Variants in OR2T8 observed in about 807,000 individuals in gnomAD.
OR2T8 encodes olfactory receptor 2T8.
For synonymous variants in OR2T8, 56 were observed against 154.3 expected, an observed-to-expected ratio of 0.36 and a Z score of 4.72; for missense variants, 161 against 389.4, an observed-to-expected ratio of 0.41 and a Z score of 4.94.
rs905000714 is a variant in OR2T8, at chr1:247,922,056, C to CTG, written c.*114_*115dup. The stretch of plus-strand genomic sequence containing the variant: ...ACTTTTATTTCTACATCTGTTGTCT[C>CTG]TGTGTGTGTGTGTGTTTGTGTGTTG... On this transcript the variant is annotated 3_prime_UTR_variant, in exon 2 of 2. Coordinates refer to ENST00000641945, the MANE Select transcript of OR2T8 (RefSeq NM_001005522.2). 1.5e-4 allele frequency: 173 copies of CTG among 1,148,252 alleles called. No homozygotes were observed. Among genetic ancestry groups the CTG allele is most frequent in the Non-Finnish European group, 1.8e-4 (148 of 825,544 alleles). 71.1% of individuals were successfully genotyped at this position (1,148,252 alleles called of 1,614,324 possible). A position where few individuals can be genotyped will look rare whatever the true frequency, so the allele number is the denominator to read the frequency against.
chr1:247,921,933 T>C lies in OR2T8; in HGVS notation c.916T>C (p.Cys306Arg). The change falls in exon 2 of 2, where the codon TGT (cysteine) becomes CGT (arginine). Residue 306 changes from cysteine to arginine, a missense_variant. Cys to Arg is a radical substitution (Grantham distance 180). Coordinates refer to ENST00000641945, the MANE Select transcript of OR2T8 (RefSeq NM_001005522.2). ...KGALTRCMGR[C>R]VALSRE ...AGCCCTGACAAGGTGTATGGGTCGG[T>C]GTGTGGCCTTAAGTCGTGAATAAGA... The C allele has an allele frequency of 6.2e-7, 1 of 1,614,158 alleles. No individual in the cohort carries two copies. Among genetic ancestry groups the C allele is most frequent in the Non-Finnish European group, 8.5e-7 (1 of 1,180,024 alleles).
intron 1 of OR2T8, 47 bp from the exon 2 acceptor site, chr1:247,920,951 A>T: frequency 7.5e-7 from 1 of 1,327,032 alleles, no homozygotes; most frequent in Admixed American, 2.2e-5. Flanking sequence ...ACTCAAATGG[A>T]GTACCATAAA....
In OR2T8 at chr1:247,921,708, G is replaced by A. The variant is rs747032969; in HGVS notation, c.691G>A (p.Ala231Thr). The change falls in exon 2 of 2, where the codon GCC becomes ACC. Residue 231 changes from alanine to threonine, a missense_variant. Coordinates refer to ENST00000641945, the MANE Select transcript of OR2T8 (RefSeq NM_001005522.2). ...TGTTCTGCACATGCGCTCTACAGAA[G>A]CCCGCAAGAAGGCCTTTGCCACCTG... ...AAVLHMRSTE[A>T]RKKAFATCSS... 1 of 1,563,276 alleles carries A rather than the reference G, an allele frequency of 6.4e-7. No homozygotes were observed. The highest frequency in any genetic ancestry group is 1.4e-5 in the African/African-American group (1 of 71,568).
chr1:247,921,107 G>A lies in OR2T8; in HGVS notation c.90G>A (p.Leu30=), dbSNP rs376799188. The A allele has an allele frequency of 1.1e-5, 17 of 1,608,274 alleles. No individual in the cohort carries two copies. Among genetic ancestry groups the A allele is most frequent in the Non-Finnish European group, 1.4e-5 (16 of 1,178,076 alleles). The part of the protein sequence containing the change: ...RAHQVLFMMV[L]SIVLTSLFGN... The stretch of plus-strand genomic sequence containing the variant: ...ACCAAGTCCTCTTCATGATGGTTCT[G>A]AGTATCGTTTTGACCTCCCTGTTTG... Residue 30 remains leucine, a synonymous_variant, in exon 2 of 2, where the codon CTG becomes CTA. Coordinates refer to ENST00000641945, the MANE Select transcript of OR2T8 (RefSeq NM_001005522.2).
rs747341510 is a variant in OR2T8, at chr1:247,921,163, G to T, written c.146G>T (p.Trp49Leu). 1 of 1,569,302 alleles carries T rather than the reference G, an allele frequency of 6.4e-7. No homozygotes were observed. The highest frequency in any genetic ancestry group is 1.6e-5 in the African/African-American group (1 of 63,716). ...GNSLMILLIHWDHRLHTPMYF... is the reference protein window; with the variant it reads ...GNSLMILLIHLDHRLHTPMYF... ...TCCCTCATGATTCTCCTGATTCACT[G>T]GGACCACCGGCTCCACACGCCCATG... The change falls in exon 2 of 2, where the codon TGG becomes TTG. Residue 49 changes from tryptophan (W) to leucine (L), a missense_variant. Trp to Leu is a moderately conservative substitution (Grantham distance 61, BLOSUM62 -2). Coordinates refer to ENST00000641945, the MANE Select transcript of OR2T8 (RefSeq NM_001005522.2).
rs1163066085 is a variant in OR2T8, at chr1:247,921,795, C to A, written c.778C>A (p.Pro260Thr). The A allele has an allele frequency of 1.9e-6, 3 of 1,607,064 alleles. No homozygotes were observed. The South Asian group carries it at 3.3e-5, about 18-fold the overall frequency. ...YGAAIFTYMRPKSHRSTNHDK... is the reference protein window; with the variant it reads ...YGAAIFTYMRTKSHRSTNHDK... ...AGCTGCCATTTTTACCTATATGAGA[C>A]CCAAATCCCACAGGTCCACTAACCA... Residue 260 changes from proline (P) to threonine (T), a missense_variant, in exon 2 of 2, where the codon CCC (proline) becomes ACC (threonine). Pro to Thr is a conservative substitution (Grantham distance 38). Transcript: ENST00000641945.
In OR2T8 at chr1:247,922,109, C is replaced by T. The variant is rs1660032218; in HGVS notation, c.*153C>T. The T allele has an allele frequency of 5.7e-6, 2 of 353,030 alleles. No homozygotes were observed. Among genetic ancestry groups the T allele is most frequent in the Non-Finnish European group, 7.9e-6 (2 of 252,108 alleles). 21.9% of individuals were successfully genotyped at this position (353,030 alleles called of 1,614,324 possible). A position where few individuals can be genotyped will look rare whatever the true frequency, so the allele number is the denominator to read the frequency against. On this transcript the variant is annotated 3_prime_UTR_variant, in exon 2 of 2. Coordinates refer to ENST00000641945, the MANE Select transcript of OR2T8 (RefSeq NM_001005522.2). ...TTGAATTGCAGATGAATCTTCATTC[C>T]TCGGGTTCATTTACTCAGCTATCAT...
In OR2T8 at chr1:247,920,279, A is replaced by G. The variant is rs1373410005; in HGVS notation, c.-260A>G. The G allele has an allele frequency of 6.6e-6, 1 of 152,250 alleles. No individual in the cohort carries two copies. The highest frequency in any genetic ancestry group is 6.5e-5 in the Admixed American group (1 of 15,286). The allele number at this position is 152,250 out of a possible 1,614,324, so 9.4% of individuals were successfully genotyped here. On this transcript the variant is annotated 5_prime_UTR_variant, in exon 1 of 2. Coordinates refer to ENST00000641945, the MANE Select transcript of OR2T8 (RefSeq NM_001005522.2). ...TTGCAACAAAGTACCTTGTACAGTT[A>G]ATGAAAATGTGTGTTTACCATTATA...
Position 247,921,847 on chromosome 1 carries a change from C to G in OR2T8, c.830C>G (p.Thr277Ser), listed in dbSNP as rs112174271. Residue 277 changes from threonine to serine, a missense_variant, in exon 2 of 2, where the codon ACT (threonine) becomes AGT (serine). Thr to Ser is a moderately conservative substitution (Grantham distance 58). Transcript: ENST00000641945. ...GACAAGGTTGTGTCAGCCTTCTATA[C>G]TATGTTCACCCCTTTACTAAACCCC... ...NHDKVVSAFY[T>S]MFTPLLNPLI... The G allele has an allele frequency of 0.029, 46,174 of 1,610,586 alleles. 2,247 individuals carry two copies. Among genetic ancestry groups the G allele is most frequent in the East Asian group, 0.23 (10,331 of 44,758 alleles).
Position 247,921,844 on chromosome 1 carries a change from A to C in OR2T8, c.827A>C (p.Tyr276Ser). The change falls in exon 2 of 2, where the codon TAT becomes TCT. Residue 276 changes from tyrosine (Y) to serine (S), a missense_variant. By Grantham distance (144) the Tyr-to-Ser change is moderately radical (BLOSUM62 -2). Coordinates refer to ENST00000641945, the MANE Select transcript of OR2T8 (RefSeq NM_001005522.2). ...CACGACAAGGTTGTGTCAGCCTTCTATACTATGTTCACCCCTTTACTAAAC... is the reference window on the plus strand; with the variant it reads ...CACGACAAGGTTGTGTCAGCCTTCTCTACTATGTTCACCCCTTTACTAAAC... ...TNHDKVVSAF[Y>S]TMFTPLLNPL... The C allele has an allele frequency of 6.2e-7, 1 of 1,613,430 alleles. No homozygotes were observed. The highest frequency in any genetic ancestry group is 8.5e-7 in the Non-Finnish European group (1 of 1,179,884).
intron 1 of OR2T8, 95 bp from the exon 2 acceptor site, chr1:247,920,903 G>C: frequency 1.2e-6 from 1 of 869,050 alleles, no homozygotes; most frequent in Non-Finnish European, 1.8e-6. Flanking sequence ...AGGTTTCATC[G>C]CTTTCACACA....
rs757258964 is a variant in OR2T8 at position 247,921,291 on chromosome 1, C to G, written c.274C>G (p.Arg92Gly). 2.4e-6 allele frequency: 3 copies of G among 1,262,384 alleles called. No individual in the cohort carries two copies. Among genetic ancestry groups the G allele is most frequent in the Non-Finnish European group, 3.3e-6 (3 of 909,932 alleles). The allele number at this position is 1,262,384 out of a possible 1,614,324, so 78.2% of individuals were successfully genotyped here. ...CTTGACCGGAAGTAAGGCCATCTCC[C>G]GCGCTGGCTGTGGTGCGCAGATCTT... Reference protein sequence around the residue: ...DYLTGSKAISRAGCGAQIFFL... With the variant: ...DYLTGSKAISGAGCGAQIFFL... The change falls in exon 2 of 2, where the codon CGC (arginine) becomes GGC (glycine). Residue 92 changes from arginine (R) to glycine (G), a missense_variant. Coordinates refer to ENST00000641945, the MANE Select transcript of OR2T8 (RefSeq NM_001005522.2).
Position 247,922,593 on chromosome 1 carries a change from C to CTA in OR2T8, c.*637_*638insTA, listed in dbSNP as rs1660038373. Among the ~76,000 whole-genome samples the CTA allele has an allele frequency of 6.6e-6, 1 of 152,168 alleles. No individual in the cohort carries two copies. The highest frequency in any genetic ancestry group is 1.5e-5 in the Non-Finnish European group (1 of 68,022). On this transcript the variant is annotated 3_prime_UTR_variant, in exon 2 of 2. Transcript: ENST00000641945. ...TTTCTAAAATCCCTCCACATTTTTA[C>CTA]CTCATTGTTACATTGCTTTTTTTTA...
At chr1:247,920,938 G>C (rs1030759503) in intron 1 of OR2T8, 60 bp from the exon 2 acceptor site, 1 of 1,236,154 alleles carries the variant, frequency 8.1e-7, no homozygotes, top group African/African-American at 1.5e-5. Flanking sequence ...TTTTTACTAC[G>C]TAACTCAAAT....
chr1:247,921,994 GTGTT>G lies in OR2T8; in HGVS notation c.*42_*45del, dbSNP rs751345546. On this transcript the variant is annotated 3_prime_UTR_variant, in exon 2 of 2. Coordinates refer to ENST00000641945, the MANE Select transcript of OR2T8 (RefSeq NM_001005522.2). ...GCCCCAACATTCAAAACTGTGCAAA[GTGTT>G]TGTGTGGAATTTCCTAGAAATAAGG... 52 of 1,587,950 alleles carry G rather than the reference GTGTT, an allele frequency of 3.3e-5. No individual in the cohort carries two copies. Among genetic ancestry groups the G allele is most frequent in the Non-Finnish European group, 4.2e-5 (49 of 1,163,168 alleles).
rs1209871137 is a variant in OR2T8 at position 247,922,874 on chromosome 1, GT to G, written c.*922del. On this transcript the variant is annotated 3_prime_UTR_variant, in exon 2 of 2. Transcript: ENST00000641945. ...AGTTCCTGTTGCTCCAAATGTCGAT[GT>G]TTTCTTCATTTTAGCAATTCTTCTG... Among the ~76,000 whole-genome samples the G allele has an allele frequency of 1.3e-5, 2 of 152,260 alleles. No homozygotes were observed. Among genetic ancestry groups the G allele is most frequent in the African/African-American group, 4.8e-5 (2 of 41,550 alleles).
rs753133095 is a variant in OR2T8 at position 247,921,987 on chromosome 1, G to A, written c.*31G>A. On this transcript the variant is annotated 3_prime_UTR_variant, in exon 2 of 2. Coordinates refer to ENST00000641945, the MANE Select transcript of OR2T8 (RefSeq NM_001005522.2). Reference sequence around the variant, plus strand: ...TATATTTGCCCCAACATTCAAAACTGTGCAAAGTGTTTGTGTGGAATTTCC... The same window carrying A: ...TATATTTGCCCCAACATTCAAAACTATGCAAAGTGTTTGTGTGGAATTTCC... 3 of 1,597,612 alleles carry A rather than the reference G, an allele frequency of 1.9e-6. No individual in the cohort carries two copies. Among genetic ancestry groups the A allele is most frequent in the East Asian group, 4.5e-5 (2 of 44,662 alleles).
rs373793744 is a variant in OR2T8, at chr1:247,921,889, A to G, written c.872A>G (p.Lys291Arg). The G allele has an allele frequency of 9.7e-5, 156 of 1,614,100 alleles. 1 individual carries two copies. In the Middle Eastern group the frequency reaches 1.2e-3, roughly 12 times the overall value. Residue 291 changes from lysine to arginine, a missense_variant, in exon 2 of 2, where the codon AAG becomes AGG. By Grantham distance (26) the Lys-to-Arg change is conservative. Coordinates refer to ENST00000641945, the MANE Select transcript of OR2T8 (RefSeq NM_001005522.2). Reference protein sequence around the residue: ...PLLNPLIYSVKNSEVKGALTR... With the variant: ...PLLNPLIYSVRNSEVKGALTR... ...CTAAACCCCCTCATCTACAGTGTGA[A>G]GAACAGTGAGGTGAAGGGAGCCCTG... is the stretch of plus-strand genomic sequence containing the variant.
intron 1 of OR2T8, 35 bp from the exon 2 acceptor site, chr1:247,920,963 G>A: frequency 6.9e-7 from 1 of 1,449,142 alleles, no homozygotes; most frequent in Non-Finnish European, 9.5e-7. Context: ...TACCATAAAG[G>A]ATAAACACTC....
Sources: allele counts gnomAD v4.1 joint callset (sites outside exome capture counted in the v4.1 genomes callset), GRCh38; gene constraint gnomAD v4.1.1; transcripts MANE v1.5; gene names NCBI Gene and HGNC (gene_info 2026-07-23, HGNC 2026-07-21).